The following ADAMTS16 variants were observed in gnomAD, a reference collection of about 807,000 sequenced individuals.
ADAMTS16 encodes the protein ADAM metallopeptidase with thrombospondin type 1 motif 16.
A neutral mutation model predicts 145.8 loss-of-function variants in ADAMTS16; 94 were observed. The observed-to-expected ratio is 0.64, with a 90% CI of 0.55 to 0.77. The LOEUF is 0.77. Among genes scored for constraint, ADAMTS16 ranks in the 30% least tolerant of loss-of-function variants. ADAMTS16 has a pLI of 0.00. For missense variants in ADAMTS16, 1,585 were observed against 1,591.5 expected (o/e 1.00, Z 0.07); for synonymous variants, 659 against 604.3 (o/e 1.09, Z -1.33).
chr5:5,141,865 C>T (rs1240542906), intron 2 of ADAMTS16, among the ~76,000 whole-genome samples: 1 of 149,246 alleles, frequency 6.7e-6, no homozygotes, highest in Non-Finnish European at 1.5e-5. Flanking sequence ...CACCAGGGGG[C>T]GCTAGGTGCA....
intron 18 of ADAMTS16, among the ~76,000 whole-genome samples, chr5:5,303,019 C>T (rs1739853209): frequency 6.6e-6 from 1 of 152,074 alleles, no homozygotes. Context: ...CTTTCCAAGT[C>T]CACTGGAACC....
chr5:5,244,111 A>G (rs1737372685), intron 17 of ADAMTS16, among the ~76,000 whole-genome samples: 1 of 152,096 alleles, frequency 6.6e-6, no homozygotes, highest in Non-Finnish European at 1.5e-5. Flanking sequence ...TCCTTGTAAA[A>G]ACCTGACCTC....
chr5:5,287,408 A>G (rs993343983), intron 18 of ADAMTS16, among the ~76,000 whole-genome samples: 36 of 152,316 alleles, frequency 2.4e-4, no homozygotes, highest in African/African-American at 8.4e-4. Context: ...CTGTCATTTC[A>G]ACTCTTCACT....
At chr5:5,226,789 C>G (rs1736778188) in intron 11 of ADAMTS16, among the ~76,000 whole-genome samples, 1 of 152,170 alleles carries the variant, frequency 6.6e-6, no homozygotes, top group South Asian at 2.1e-4. Flanking sequence ...AAATTCTAAG[C>G]TTAGTACATT....
chr5:5,190,125 C>G lies in ADAMTS16; in HGVS notation c.1202C>G (p.Thr401Ser). 1 of 1,591,876 alleles carries G rather than the reference C, an allele frequency of 6.3e-7. No individual in the cohort carries two copies. Among genetic ancestry groups the G allele is most frequent in the Non-Finnish European group, 8.6e-7 (1 of 1,168,752 alleles). Residue 401 changes from threonine to serine, a missense_variant, in exon 7 of 23, where the codon ACT becomes AGT. Thr to Ser is a moderately conservative substitution (Grantham distance 58, BLOSUM62 1). Transcript: ENST00000274181. ...ICSWKNEPCDTLGFAPISGMC... is the reference protein window; with the variant it reads ...ICSWKNEPCDSLGFAPISGMC... ...TCCTGGAAGAATGAGCCCTGTGACA[C>G]TTTGGGTGAGAACCTCCAGCAGAGT...
At chr5:5,140,859 A>T in intron 2 of ADAMTS16, 93 bp downstream of exon 2, 1 of 1,187,766 alleles carries the variant, frequency 8.4e-7, no homozygotes, top group Non-Finnish European at 1.1e-6. Flanking sequence ...AATGTTCACG[A>T]CTCTGTGGAA....
At chr5:5,306,998 C>A (rs576136566) in intron 21 of ADAMTS16, among the ~76,000 whole-genome samples, 1 of 152,194 alleles carries the variant, frequency 6.6e-6, no homozygotes, top group East Asian at 1.9e-4. Flanking sequence ...AAATGCAATG[C>A]CTTGGGTAAA....
At chr5:5,177,477 G>T (rs1735232259) in intron 3 of ADAMTS16, among the ~76,000 whole-genome samples, 1 of 152,160 alleles carries the variant, frequency 6.6e-6, no homozygotes, top group Non-Finnish European at 1.5e-5. Context: ...GGAACAAAAA[G>T]AAACAGACAC....
intron 18 of ADAMTS16, among the ~76,000 whole-genome samples, chr5:5,291,946 G>A (rs1739338508): frequency 6.6e-6 from 1 of 152,148 alleles, no homozygotes; most frequent in Non-Finnish European, 1.5e-5. Flanking sequence ...ATTGTCAACT[G>A]GTCAACAAAT....
At position 5,319,017 on chromosome 5, in the gene ADAMTS16, T is replaced by A. The variant is rs1471522584; in HGVS notation, c.3560-6T>A. 5 of 1,605,782 alleles carry A rather than the reference T, an allele frequency of 3.1e-6. No homozygotes were observed. Among genetic ancestry groups the A allele is most frequent in the Non-Finnish European group, 2.6e-6 (3 of 1,174,602 alleles). ...CGCTGAGTAATGCAGCTCTGCTCAT[T>A]TTCAGATGCCTTCTGCAAAGACTAC... On this transcript the variant is annotated splice_polypyrimidine_tract_variant and splice_region_variant and intron_variant, in intron 22 of 22. Coordinates refer to ENST00000274181, the MANE Select transcript of ADAMTS16 (RefSeq NM_139056.4).
At position 5,310,169 on chromosome 5, in the gene ADAMTS16, T is replaced by G. The variant is rs1740364095; in HGVS notation, c.3411+3441T>G. ...AGCATCCCCCAAATGCTTGGTCAGA[T>G]GGAACCATTTGTCCCTGACGATGAC... On this transcript the variant is annotated intron_variant, in intron 21 of 22. Coordinates refer to ENST00000274181, the MANE Select transcript of ADAMTS16 (RefSeq NM_139056.4). The surrounding 1 kb of genome is among the most constrained non-coding windows in gnomAD (Gnocchi z 4.3). 6.6e-6 allele frequency among the ~76,000 whole-genome samples: 1 copy of G among 152,114 alleles called. No homozygotes were observed. The highest frequency in any genetic ancestry group is 2.4e-5 in the African/African-American group (1 of 41,428).
intron 11 of ADAMTS16, among the ~76,000 whole-genome samples, chr5:5,224,483 T>A (rs1736696465): frequency 6.6e-6 from 1 of 152,048 alleles, no homozygotes; most frequent in Non-Finnish European, 1.5e-5. Flanking sequence ...AGAGACGGGG[T>A]TTCACCATGT....
Position 5,303,777 on chromosome 5 carries a change from T to G in ADAMTS16, c.3186+11T>G, listed in dbSNP as rs373119062. 1.2e-5 allele frequency: 19 copies of G among 1,610,880 alleles called. No individual in the cohort carries two copies. Among genetic ancestry groups the G allele is most frequent in the Admixed American group, 1.7e-5 (1 of 59,950 alleles). On this transcript the variant is annotated intron_variant, in intron 20 of 22. Transcript: ENST00000274181. Reference sequence around the variant, plus strand: ...TCCGCCTGGTCCCAGGTAGGTGCACTGGTCTCGCGGGAGCGAGGTTGACTA... The same window carrying G: ...TCCGCCTGGTCCCAGGTAGGTGCACGGGTCTCGCGGGAGCGAGGTTGACTA...
chr5:5,154,331 T>C (rs934141405), intron 3 of ADAMTS16, among the ~76,000 whole-genome samples: 1 of 152,162 alleles, frequency 6.6e-6, no homozygotes, highest in Non-Finnish European at 1.5e-5. Context: ...AAATTTAAGG[T>C]GGTTGTGAAG....
chr5:5,189,343 G>A (rs1167275210), intron 6 of ADAMTS16, among the ~76,000 whole-genome samples: 1 of 152,118 alleles, frequency 6.6e-6, no homozygotes, highest in African/African-American at 2.4e-5. Context: ...TTACTTCATC[G>A]TTGCGTTATC....
chr5:5,188,875 A>G (rs1265547742), intron 6 of ADAMTS16, among the ~76,000 whole-genome samples: 1 of 152,100 alleles, frequency 6.6e-6, no homozygotes, highest in Non-Finnish European at 1.5e-5. Flanking sequence ...TGACAGGTTA[A>G]TTATTCCTGG....
intron 18 of ADAMTS16, among the ~76,000 whole-genome samples, chr5:5,295,001 A>G (rs1739474619): frequency 6.6e-6 from 1 of 152,188 alleles, no homozygotes. Context: ...AGAGGGAAAA[A>G]TTATTTAAAA....
At chr5:5,219,775 A>G (rs969994962) in intron 10 of ADAMTS16, among the ~76,000 whole-genome samples, 1 of 152,242 alleles carries the variant, frequency 6.6e-6, no homozygotes, top group Non-Finnish European at 1.5e-5. Context: ...AGAGAGCCAC[A>G]TGACTTGGCA....
intron 18 of ADAMTS16, among the ~76,000 whole-genome samples, chr5:5,293,111 G>C (rs1313734848): frequency 1.3e-5 from 2 of 152,206 alleles, no homozygotes; most frequent in Non-Finnish European, 2.9e-5. Flanking sequence ...TCCTGGCCTG[G>C]GTGCAGGTGT....
Sources: gnomAD v4.1 joint callset for allele counts (sites outside exome capture counted in the v4.1 genomes callset) on GRCh38, gnomAD v4.1.1 for gene constraint, Gnocchi (gnomAD v3.1) non-coding constraint, MANE v1.5 for transcripts, NCBI Gene and HGNC (gene_info 2026-07-23, HGNC 2026-07-21) for gene names.